The following RBFOX1 variants were observed in gnomAD, a reference collection of about 807,000 sequenced individuals.
RBFOX1 encodes RNA binding fox-1 homolog 1.
In RBFOX1, 8 loss-of-function variants were observed where a neutral mutation model predicts 57.7. That is an observed-to-expected ratio of 0.14 (90% CI 0.08 to 0.25). The LOEUF (loss-of-function observed/expected upper bound fraction) is 0.25. Ranked by LOEUF, RBFOX1 falls within the 10% of genes least tolerant of loss-of-function variation. RBFOX1 has a pLI of 1.00. For synonymous variants in RBFOX1, 326 were observed against 222.4 expected (o/e 1.47, Z -4.15); for missense variants, 611 against 548.5 (o/e 1.11, Z -1.14).
At chr16:5,874,215 C>G (rs1441980621) in intron 4 of RBFOX1, among the ~76,000 whole-genome samples, 1 of 152,200 alleles carries the variant, frequency 6.6e-6, no homozygotes, top group African/African-American at 2.4e-5. Flanking sequence ...GGAGAAGACA[C>G]ATGGGCCACA....
intron 1 of RBFOX1, among the ~76,000 whole-genome samples, chr16:5,245,641 A>G (rs2151066782): frequency 6.6e-6 from 1 of 152,300 alleles, no homozygotes; most frequent in South Asian, 2.1e-4. Flanking sequence ...AGGTTTGGCC[A>G]GGCTAGTCTC....
At chr16:7,171,588 C>T (rs1007552583) in intron 4 of RBFOX1, among the ~76,000 whole-genome samples, 1 of 152,148 alleles carries the variant, frequency 6.6e-6, no homozygotes, top group African/African-American at 2.4e-5. Flanking sequence ...AATTTTCTCT[C>T]TTTATGTTCT....
intron 3 of RBFOX1, among the ~76,000 whole-genome samples, chr16:5,845,899 G>A (rs181228101): frequency 7.2e-5 from 11 of 152,254 alleles, no homozygotes; most frequent in Middle Eastern, 3.4e-3. Flanking sequence ...ATGGCCTGGC[G>A]TGGTGGCTCA....
intron 1 of RBFOX1, among the ~76,000 whole-genome samples, chr16:6,051,059 A>G (rs533653727): frequency 4.0e-5 from 6 of 148,376 alleles, no homozygotes; most frequent in Non-Finnish European, 5.9e-5. Flanking sequence ...GAAATAATCC[A>G]TTTCCCCGAG....
intron 3 of RBFOX1, among the ~76,000 whole-genome samples, chr16:6,880,527 CT>C (rs1473786646): frequency 2.6e-5 from 4 of 152,162 alleles, no homozygotes; most frequent in African/African-American, 9.7e-5. Flanking sequence ...TGGAACCTTG[CT>C]AGTCAGGTTA....
rs188927964 is a variant in RBFOX1, at chr16:7,710,959, G to A, written c.*214G>A. ...TGGGTCTTTAATTTCTGAAGGTTCC[G>A]TAGTTTGGTTGCTGGCTGTAGGAGT... On this transcript the variant is annotated 3_prime_UTR_variant, in exon 16 of 16. Coordinates refer to ENST00000550418, the MANE Select transcript of RBFOX1 (RefSeq NM_018723.4). The A allele has an allele frequency of 1.8e-3, 970 of 552,770 alleles. 8 individuals are homozygous for A. The highest frequency in any genetic ancestry group is 0.011 in the African/African-American group (538 of 50,782). 34.2% of individuals were successfully genotyped at this position (552,770 alleles called of 1,614,324 possible). A position where few individuals can be genotyped will look rare whatever the true frequency, so the allele number is the denominator to read the frequency against.
chr16:7,570,909 GGAA>G (rs1224179778), intron 5 of RBFOX1, among the ~76,000 whole-genome samples: 4 of 152,152 alleles, frequency 2.6e-5, no homozygotes, highest in Non-Finnish European at 5.9e-5. Context: ...GCCATGAAAG[GGAA>G]GAAGATTATG....
rs77040852 is a variant in RBFOX1 at position 6,423,774 on chromosome 16, C to T, written c.-64+106717C>T. Among the ~76,000 whole-genome samples the T allele has an allele frequency of 7.5e-3, 1,143 of 152,160 alleles. 11 individuals carry two copies. Among genetic ancestry groups the T allele is most frequent in the African/African-American group, 0.025 (1,045 of 41,488 alleles). The stretch of plus-strand genomic sequence containing the variant: ...CCGCCAGATGAGAGTTCAGCTACGA[C>T]GCAGCACTGCAGGCCCAGGAAGGCC... On this transcript the variant is annotated intron_variant, in intron 2 of 15. Transcript: ENST00000550418.
At chr16:7,449,081 C>T (rs1414070257) in intron 4 of RBFOX1, among the ~76,000 whole-genome samples, 1 of 151,926 alleles carries the variant, frequency 6.6e-6, no homozygotes, top group Non-Finnish European at 1.5e-5. Context: ...AGGCATGCAC[C>T]AGCATGCCCG....
chr16:6,779,735 ATATATTTTTATATATACTTT>A (rs1421226963), intron 3 of RBFOX1, among the ~76,000 whole-genome samples: 2 of 57,364 alleles, frequency 3.5e-5, no homozygotes, highest in African/African-American at 1.2e-4. Context: ...ATATATTTTT[ATATATTTTTATATATACTTT>A]TATATATTTA....
rs147698061 is a variant in RBFOX1 at position 6,473,110 on chromosome 16, G to T, written c.-64+156053G>T. Among the ~76,000 whole-genome samples the T allele has an allele frequency of 7.1e-4, 108 of 152,252 alleles. 1 individual carries two copies. Among genetic ancestry groups the T allele is most frequent in the Non-Finnish European group, 2.8e-4 (19 of 68,004 alleles). On this transcript the variant is annotated intron_variant, in intron 2 of 15. Transcript: ENST00000550418. ...CCTAGTCTTCTGCCCGGGGACCCCAGGATGCCCTGCAACACATGGAAATAA... is the reference window on the plus strand; with the variant it reads ...CCTAGTCTTCTGCCCGGGGACCCCATGATGCCCTGCAACACATGGAAATAA...
At chr16:6,986,520 G>C (rs1192969524) in intron 3 of RBFOX1, among the ~76,000 whole-genome samples, 1 of 152,134 alleles carries the variant, frequency 6.6e-6, no homozygotes, top group African/African-American at 2.4e-5. Context: ...TTGAACTCAT[G>C]GGCTCAACTG....
chr16:7,187,708 AAAAAAAAAAAAAAAAAAG>A, intron 4 of RBFOX1, among the ~76,000 whole-genome samples: 1 of 143,584 alleles, frequency 7.0e-6, no homozygotes, highest in Non-Finnish European at 1.5e-5. Context: ...AAAAAAAAAA[AAAAAAAAAAAAAAAAAAG>A]GAAAAGAAAA....
At chr16:6,287,991 G>C (rs74005073) in intron 1 of RBFOX1, among the ~76,000 whole-genome samples, 1 of 152,030 alleles carries the variant, frequency 6.6e-6, no homozygotes, top group African/African-American at 2.4e-5. Context: ...TGCATTTTGC[G>C]TACTTCAACC....
chr16:5,702,917 G>T (rs1305404082), intron 3 of RBFOX1, among the ~76,000 whole-genome samples: 1 of 152,150 alleles, frequency 6.6e-6, no homozygotes, highest in African/African-American at 2.4e-5. Context: ...TCATCTTATT[G>T]TATCTGTTAC....
At chr16:7,208,809 GC>G (rs2090515458) in intron 4 of RBFOX1, among the ~76,000 whole-genome samples, 1 of 152,130 alleles carries the variant, frequency 6.6e-6, no homozygotes. Flanking sequence ...TTGCAATCCA[GC>G]CTGGGTGAAG....
chr16:5,256,058 G>A (rs560229147), intron 1 of RBFOX1, among the ~76,000 whole-genome samples: 19 of 152,178 alleles, frequency 1.2e-4, no homozygotes, highest in African/African-American at 3.9e-4. Flanking sequence ...TGCAGATAAC[G>A]TGGAGAACAT....
intron 4 of RBFOX1, among the ~76,000 whole-genome samples, chr16:7,423,757 G>T (rs978940041): frequency 2.0e-5 from 3 of 152,108 alleles, no homozygotes. Flanking sequence ...CCTCTGTTCT[G>T]TGTCTCTCCT....
At chr16:7,035,964 T>C (rs995911665) in intron 3 of RBFOX1, among the ~76,000 whole-genome samples, 3 of 152,080 alleles carry the variant, frequency 2.0e-5, no homozygotes, top group African/African-American at 4.8e-5. Context: ...ACTGGAAAAT[T>C]AGAAAATGAA....
Sources: gnomAD v4.1 joint callset for allele counts (sites outside exome capture counted in the v4.1 genomes callset) on GRCh38, gnomAD v4.1.1 for gene constraint, MANE v1.5 for transcripts, NCBI Gene and HGNC (gene_info 2026-07-23, HGNC 2026-07-21) for gene names.